ANO7: variants seen among roughly 807,000 people sequenced by gnomAD.
ANO7 encodes anoctamin-7.
Under a neutral mutation model 115.8 loss-of-function variants are expected in ANO7, and 114 were observed. The observed-to-expected ratio is 0.98, with a 90% confidence interval of 0.85 to 1.15. ANO7 has a LOEUF of 1.15. Ranked by LOEUF, ANO7 falls within the 50% of genes most tolerant of loss-of-function variation. The pLI, the probability that ANO7 is intolerant of heterozygous loss-of-function variation, is 0.00. For missense variants in ANO7, 1,302 were observed against 1,201.2 expected (o/e 1.08, Z -1.24); for synonymous variants, 550 against 498.2 (o/e 1.10, Z -1.38).
chr2:241,218,340 AG>A lies in ANO7; in HGVS notation c.2281del (p.Ala761ProfsTer69). The A allele has an allele frequency of 6.7e-7, 1 of 1,493,970 alleles. No individual in the cohort carries two copies. Among genetic ancestry groups the A allele is most frequent in the Non-Finnish European group, 8.9e-7 (1 of 1,127,192 alleles). 92.5% of individuals were successfully genotyped at this position (1,493,970 alleles called of 1,614,324 possible). A position where few individuals can be genotyped will look rare whatever the true frequency, so the allele number is the denominator to read the frequency against. The stretch of plus-strand genomic sequence containing the variant: ...GCTTCCTCAACTTCACGCTGGCGCG[AG>A]CCCCGTCCTCCTTCGCCGCCGCGCA... ...RGFLNFTLAR[A>X]PSSFAAAHNR... On this transcript the variant is annotated frameshift_variant, in exon 21 of 25. Coordinates refer to ENST00000674324, the MANE Select transcript of ANO7 (RefSeq NM_001370694.2). LOFTEE classifies it high-confidence loss of function.
chr2:241,228,466 C>G (rs1250022013), downstream of ANO7: 1 of 152,462 alleles, frequency 6.6e-6, no homozygotes, highest in Non-Finnish European at 1.5e-5. Context: ...CTGGCCTGCA[C>G]AGCCGGATGG....
At chr2:241,229,784 G>GGGGGCCCCCCCCCCC, downstream of ANO7, 2 of 1,502,548 alleles carry the variant, frequency 1.3e-6, no homozygotes, top group Non-Finnish European at 1.8e-6. Context: ...AAGCCCGCCT[G>GGGGGCCCCCCCCCCC]CCCGCCCACC....
chr2:241,220,919 C>T (rs897538274), intron 21 of ANO7, among the ~76,000 whole-genome samples: 1 of 150,724 alleles, frequency 6.6e-6, no homozygotes, highest in African/African-American at 2.4e-5. Flanking sequence ...TGCAGTGAGC[C>T]GAGATGGCGC....
chr2:241,223,077 G>T, intron 21 of ANO7, 109 bp from the exon 22 acceptor site: 1 of 971,414 alleles, frequency 1.0e-6, no homozygotes. Context: ...AGGAACATGG[G>T]ATGAGAGAGC....
At chr2:241,202,454 GATGTGATCAGGCC>G in intron 8 of ANO7, 150 bp downstream of exon 8, 1 of 667,530 alleles carries the variant, frequency 1.5e-6, no homozygotes. Flanking sequence ...CACATGCGGC[GATGTGATCAGGCC>G]ATCCCGTGGC....
downstream of ANO7, among the ~76,000 whole-genome samples, chr2:241,226,451 G>GTC (rs1482338522): frequency 1.3e-5 from 2 of 151,272 alleles, no homozygotes; most frequent in African/African-American, 2.4e-5. Flanking sequence ...TTGAGATGGA[G>GTC]TCTCGCTCTG....
rs1461001227 is a variant in ANO7, at chr2:241,217,688, C to T, written c.1975C>T (p.Leu659=). Residue 659 remains leucine, a splice_region_variant and synonymous_variant, in exon 20 of 25, where the codon CTG becomes TTG. Coordinates refer to ENST00000674324, the MANE Select transcript of ANO7 (RefSeq NM_001370694.2). ...GLFDEYLEMV[L]QFGFVTIFVA... ...CGGCCGTGACCCCCTCCCCGCAGTGCTGCAGTTCGGCTTCGTCACCATCTT... is the reference window on the plus strand; with the variant it reads ...CGGCCGTGACCCCCTCCCCGCAGTGTTGCAGTTCGGCTTCGTCACCATCTT... The T allele has an allele frequency of 1.3e-6, 2 of 1,581,546 alleles. No individual in the cohort carries two copies. The highest frequency in any genetic ancestry group is 1.7e-6 in the Non-Finnish European group (2 of 1,164,634).
chr2:241,210,782 G>A (rs1321275391), intron 15 of ANO7, among the ~76,000 whole-genome samples: 2 of 150,786 alleles, frequency 1.3e-5, no homozygotes, highest in Admixed American at 1.3e-4. Flanking sequence ...CAGGCTCAAG[G>A]GATCCTCCTG....
At chr2:241,205,379 G>A (rs1445185465) in intron 10 of ANO7, among the ~76,000 whole-genome samples, 2 of 151,448 alleles carry the variant, frequency 1.3e-5, no homozygotes, top group South Asian at 2.1e-4. Flanking sequence ...TAGGTGGACA[G>A]GAGTGCTCCC....
chr2:241,213,566 A>G (rs527368213), intron 17 of ANO7, among the ~76,000 whole-genome samples: 26 of 152,214 alleles, frequency 1.7e-4, no homozygotes, highest in Admixed American at 1.4e-3. Flanking sequence ...CAGCCCCTCC[A>G]AGACACCGTA....
chr2:241,202,387 T>A, intron 8 of ANO7, 83 bp downstream of exon 8: 1 of 1,322,644 alleles, frequency 7.6e-7, no homozygotes, highest in South Asian at 1.2e-5. Context: ...GAGGCGGGTG[T>A]GGGGCAGGCA....
the ANO7 span, chr2:241,235,636 G>A: frequency 2.1e-6 from 3 of 1,402,294 alleles, no homozygotes; most frequent in African/African-American, 4.2e-5. Context: ...GGAGCTGAGA[G>A]CAGAGTGACG....
chr2:241,229,627 T>C, downstream of ANO7: 1 of 1,613,596 alleles, frequency 6.2e-7, no homozygotes. Flanking sequence ...CAAGGGAGGG[T>C]CTTGGGAGCC....
downstream of ANO7, chr2:241,229,965 C>A: frequency 6.3e-7 from 1 of 1,593,424 alleles, no homozygotes; most frequent in South Asian, 1.1e-5. Flanking sequence ...CAGCTAGCTG[C>A]AGGCAGAAGA....
intron 3 of ANO7, 28 bp from the exon 4 acceptor site, chr2:241,195,675 T>C (rs2068308245): frequency 6.2e-7 from 1 of 1,609,700 alleles, no homozygotes; most frequent in Non-Finnish European, 8.5e-7. Context: ...TTAGCCAGGC[T>C]CCTGCCTCTG....
At chr2:241,211,359 CA>C (rs1288997476) in intron 15 of ANO7, among the ~76,000 whole-genome samples, 1 of 152,194 alleles carries the variant, frequency 6.6e-6, no homozygotes, top group African/African-American at 2.4e-5. Context: ...TTCCTGAGGA[CA>C]AACACTTACG....
chr2:241,225,034 A>G lies in ANO7; in HGVS notation c.*881A>G, dbSNP rs901527945. On this transcript the variant is annotated 3_prime_UTR_variant, in exon 25 of 25. Coordinates refer to ENST00000674324, the MANE Select transcript of ANO7 (RefSeq NM_001370694.2). ...TTCCCCCAGAAGTTTGTGTTCATAC[A>G]TAATTGTTTTCCACGCTGGATCATA... 3.9e-5 allele frequency: 6 copies of G among 152,216 alleles called. No individual in the cohort carries two copies. Among genetic ancestry groups the G allele is most frequent in the African/African-American group, 7.2e-5 (3 of 41,444 alleles). 9.4% of individuals were successfully genotyped at this position (152,216 alleles called of 1,614,324 possible). A position where few individuals can be genotyped will look rare whatever the true frequency, so the allele number is the denominator to read the frequency against.
At chr2:241,232,102 C>G in the ANO7 span, among the ~76,000 whole-genome samples, 1 of 152,176 alleles carries the variant, frequency 6.6e-6, no homozygotes, top group Non-Finnish European at 1.5e-5. Flanking sequence ...CAGCCCCACC[C>G]ACCGTGGCCC....
chr2:241,235,683 G>A, the ANO7 span: 2 of 849,144 alleles, frequency 2.4e-6, no homozygotes, highest in Non-Finnish European at 3.9e-6. Context: ...GAAACACAAG[G>A]CAAACAGCCC....
Sources: allele counts gnomAD v4.1 joint callset (sites outside exome capture counted in the v4.1 genomes callset), GRCh38; gene constraint gnomAD v4.1.1; transcripts MANE v1.5; gene names NCBI Gene and HGNC (gene_info 2026-07-23, HGNC 2026-07-21).